The following PALS2 variants were observed in gnomAD, a reference collection of about 807,000 sequenced individuals.
The protein encoded by PALS2 is protein associated with LIN7 2, MAGUK p55 family member.
PALS2 carries 27 observed loss-of-function variants against 61.6 expected under a neutral mutation model. That is an observed-to-expected ratio of 0.44 (90% CI 0.32 to 0.60). The LOEUF is 0.60. Ranked by LOEUF, PALS2 falls within the 20% of genes least tolerant of loss-of-function variation. The pLI is 0.05. For synonymous variants in PALS2, 236 were observed against 218.6 expected, an observed-to-expected ratio of 1.08 and a Z score of -0.70; for missense variants, 554 against 639.4, an observed-to-expected ratio of 0.87 and a Z score of 1.44.
intron 11 of PALS2, among the ~76,000 whole-genome samples, chr7:24,681,649 A>G (rs1042987260): frequency 1.3e-5 from 2 of 152,068 alleles, no homozygotes; most frequent in African/African-American, 4.8e-5. Flanking sequence ...ATTGACACAT[A>G]ATAAGCTGTG....
intron 1 of PALS2, among the ~76,000 whole-genome samples, chr7:24,616,753 ATTGT>A (rs1160455999): frequency 2.6e-5 from 4 of 151,694 alleles, no homozygotes; most frequent in Admixed American, 2.6e-4. Flanking sequence ...ACATTCTCTT[ATTGT>A]TTATTTTTGT....
intron 1 of PALS2, among the ~76,000 whole-genome samples, chr7:24,602,630 T>G (rs1417051940): frequency 6.6e-6 from 1 of 152,188 alleles, no homozygotes; most frequent in Non-Finnish European, 1.5e-5. Flanking sequence ...TTAATAATCC[T>G]GTCTTCTATA....
intron 1 of PALS2, among the ~76,000 whole-genome samples, chr7:24,607,617 ATGTG>A (rs1298494774): frequency 7.0e-6 from 1 of 143,750 alleles, no homozygotes; most frequent in Non-Finnish European, 1.5e-5. Flanking sequence ...ATACATATAT[ATGTG>A]TGTATATATA....
chr7:24,584,913 A>G (rs1782999808), intron 1 of PALS2, among the ~76,000 whole-genome samples: 1 of 151,996 alleles, frequency 6.6e-6, no homozygotes, highest in South Asian at 2.1e-4. Context: ...CATTTATTAA[A>G]TAGGGAATCC....
chr7:24,592,052 A>C (rs1783308011), intron 1 of PALS2, among the ~76,000 whole-genome samples: 1 of 152,118 alleles, frequency 6.6e-6, no homozygotes, highest in South Asian at 2.1e-4. Context: ...CGAAACAAGA[A>C]AGCAGAGTGT....
At chr7:24,607,680 T>G (rs570846900) in intron 1 of PALS2, among the ~76,000 whole-genome samples, 1 of 151,708 alleles carries the variant, frequency 6.6e-6, no homozygotes, top group Non-Finnish European at 1.5e-5. Flanking sequence ...CATATACATA[T>G]GTGTGTGTAT....
intron 1 of PALS2, among the ~76,000 whole-genome samples, chr7:24,612,136 GT>G (rs531955274): frequency 1.3e-3 from 199 of 152,056 alleles, no homozygotes; most frequent in African/African-American, 4.5e-3. Context: ...CTTTGTTCAT[GT>G]GGTTTTTTGC....
chr7:24,680,134 T>G (rs1005485565), intron 10 of PALS2, among the ~76,000 whole-genome samples: 3 of 152,216 alleles, frequency 2.0e-5, no homozygotes, highest in African/African-American at 7.2e-5. Context: ...AAAAAAGAGT[T>G]TACATCACTC....
chr7:24,626,797 G>A (rs1784764485), intron 2 of PALS2, among the ~76,000 whole-genome samples: 1 of 152,140 alleles, frequency 6.6e-6, no homozygotes, highest in South Asian at 2.1e-4. Context: ...AATGGTAAAG[G>A]GATCAATGCA....
chr7:24,621,318 G>A (rs748097261), intron 1 of PALS2, among the ~76,000 whole-genome samples: 4 of 152,104 alleles, frequency 2.6e-5, no homozygotes, highest in Non-Finnish European at 5.9e-5. Flanking sequence ...TTGTGAGGGA[G>A]ATCAGGGATA....
At chr7:24,599,355 A>T (rs1012942678) in intron 1 of PALS2, among the ~76,000 whole-genome samples, 2 of 152,152 alleles carry the variant, frequency 1.3e-5, no homozygotes, top group East Asian at 3.8e-4. Flanking sequence ...TTTATTTTTT[A>T]AATTTTTTCT....
chr7:24,674,716 T>C (rs535482092), intron 9 of PALS2: 4 of 152,204 alleles, frequency 2.6e-5, no homozygotes, highest in Non-Finnish European at 4.4e-5. Flanking sequence ...ATTTCTAAAA[T>C]TTTCTGTTAT....
intron 5 of PALS2, among the ~76,000 whole-genome samples, chr7:24,656,431 T>C (rs1786420531): frequency 1.3e-5 from 2 of 152,214 alleles, no homozygotes; most frequent in Admixed American, 6.5e-5. Flanking sequence ...ACATAAAGTG[T>C]ACAATTTGAT....
chr7:24,670,348 C>G (rs1473031123), intron 9 of PALS2, among the ~76,000 whole-genome samples: 1 of 145,176 alleles, frequency 6.9e-6, no homozygotes, highest in East Asian at 2.0e-4. Flanking sequence ...TTTTTTTTTT[C>G]CTGGAGACCT....
chr7:24,669,186 T>G (rs1787178757), intron 9 of PALS2, among the ~76,000 whole-genome samples: 2 of 152,072 alleles, frequency 1.3e-5, no homozygotes, highest in African/African-American at 4.8e-5. Flanking sequence ...GGTTACAGAG[T>G]CTGATGTATA....
intron 5 of PALS2, among the ~76,000 whole-genome samples, chr7:24,654,163 A>C (rs181099026): frequency 1.3e-5 from 2 of 152,166 alleles, no homozygotes; most frequent in South Asian, 4.1e-4. Context: ...ATTGGCAATT[A>C]ATTAGCCAGA....
chr7:24,615,194 A>G (rs1784250226), intron 1 of PALS2, among the ~76,000 whole-genome samples: 1 of 152,016 alleles, frequency 6.6e-6, no homozygotes, highest in Non-Finnish European at 1.5e-5. Flanking sequence ...AAAAGGAGAA[A>G]GATTTCAAAT....
In PALS2 at chr7:24,690,105, A is replaced by G. The variant is rs1451483095; in HGVS notation, c.*2491A>G. 1 of 152,188 alleles carries G rather than the reference A, an allele frequency of 6.6e-6. No individual in the cohort carries two copies. The highest frequency in any genetic ancestry group is 1.5e-5 in the Non-Finnish European group (1 of 68,032). 9.4% of individuals were successfully genotyped at this position (152,188 alleles called of 1,614,324 possible). A position where few individuals can be genotyped will look rare whatever the true frequency, so the allele number is the denominator to read the frequency against. ...AATTAATGCACATTAGATTTCTCCT[A>G]ATATAAAATGAAATGATGCAGTTTA... On this transcript the variant is annotated 3_prime_UTR_variant, in exon 12 of 12. Coordinates refer to ENST00000222644, the MANE Select transcript of PALS2 (RefSeq NM_001303037.2).
chr7:24,646,007 G>GT (rs1785812939), intron 3 of PALS2, among the ~76,000 whole-genome samples: 1 of 152,018 alleles, frequency 6.6e-6, no homozygotes, highest in African/African-American at 2.4e-5. Context: ...GGATACAAAG[G>GT]ACTTTGTATC....
Sources: gnomAD v4.1 joint callset for allele counts (sites outside exome capture counted in the v4.1 genomes callset) on GRCh38, gnomAD v4.1.1 for gene constraint, MANE v1.5 for transcripts, NCBI Gene and HGNC (gene_info 2026-07-23, HGNC 2026-07-21) for gene names.